The following NRXN3 variants were observed in gnomAD, a reference collection of about 807,000 sequenced individuals.
NRXN3 encodes the protein neurexin 3, also known as neurexin III.
NRXN3 carries 32 observed loss-of-function variants against 137.6 expected under a neutral mutation model. The observed-to-expected ratio is 0.23, with a 90% confidence interval of 0.18 to 0.31. The LOEUF (loss-of-function observed/expected upper bound fraction) is 0.31, where lower values mean the gene tolerates loss of function less well. Among genes scored for constraint, NRXN3 ranks in the 10% least tolerant of loss-of-function variants. The pLI, the probability that NRXN3 is intolerant of heterozygous loss-of-function variation, is 1.00. For missense variants in NRXN3, 1,574 were observed against 2,062.5 expected (o/e 0.76, Z 4.59); for synonymous variants, 798 against 784.5 (o/e 1.02, Z -0.29).
chr14:79,653,702 A>T (rs1381856669), intron 16 of NRXN3, among the ~76,000 whole-genome samples: 1 of 152,212 alleles, frequency 6.6e-6, no homozygotes, highest in Non-Finnish European at 1.5e-5. Context: ...TATATAACTT[A>T]TTAGAAAATA....
Position 78,171,843 on chromosome 14 carries a change from T to A in NRXN3, c.-704+1169T>A, listed in dbSNP as rs148630401. On this transcript the variant is annotated intron_variant, in intron 1 of 20. Coordinates refer to ENST00000335750, the MANE Select transcript of NRXN3 (RefSeq NM_001330195.2). ...AGAACATCATATTTTTGCTAACCAT[T>A]ATTGGGGTTTAGGTAAAGTAGGATT... Among the ~76,000 whole-genome samples the A allele has an allele frequency of 6.6e-4, 101 of 152,322 alleles. 3 individuals are homozygous for A. The highest frequency in any genetic ancestry group is 6.5e-3 in the Admixed American group (99 of 15,310).
intron 16 of NRXN3, among the ~76,000 whole-genome samples, chr14:79,640,450 G>A (rs534755932): frequency 2.9e-5 from 4 of 135,664 alleles, no homozygotes; most frequent in African/African-American, 9.8e-5. Context: ...CCACTACCAA[G>A]AAACACTTTT....
intron 1 of NRXN3, among the ~76,000 whole-genome samples, chr14:78,232,434 T>A (rs1337264915): frequency 6.7e-6 from 1 of 149,938 alleles, no homozygotes; most frequent in East Asian, 2.0e-4. Flanking sequence ...CCCCTTCTCT[T>A]ACATGTGTTT....
chr14:79,209,978 C>G (rs1403547066), intron 15 of NRXN3, among the ~76,000 whole-genome samples: 1 of 152,172 alleles, frequency 6.6e-6, no homozygotes, highest in African/African-American at 2.4e-5. Context: ...ATTAGAGTAT[C>G]AATGGCATTG....
chr14:78,840,298 A>T (rs906145717), intron 10 of NRXN3, among the ~76,000 whole-genome samples: 2 of 152,202 alleles, frequency 1.3e-5, no homozygotes, highest in African/African-American at 4.8e-5. Context: ...TCAAAATCAC[A>T]GTCTTTGTCC....
chr14:79,781,256 T>A (rs1391067911), intron 19 of NRXN3, among the ~76,000 whole-genome samples: 8 of 152,126 alleles, frequency 5.3e-5, no homozygotes, highest in Admixed American at 5.2e-4. Flanking sequence ...TCATCCAATT[T>A]AAATAGCTGG....
intron 15 of NRXN3, among the ~76,000 whole-genome samples, chr14:79,257,820 C>G (rs1407124917): frequency 6.6e-6 from 1 of 151,792 alleles, no homozygotes. Context: ...TGTCCAGGAA[C>G]TCTCAATTCC....
intron 1 of NRXN3, among the ~76,000 whole-genome samples, chr14:78,194,834 C>T (rs143340354): frequency 8.8e-4 from 134 of 152,320 alleles, no homozygotes; most frequent in African/African-American, 2.8e-3. Flanking sequence ...AGGGGCCCAG[C>T]CAGCAATCTA....
At chr14:78,416,506 G>C (rs750683073) in intron 4 of NRXN3, among the ~76,000 whole-genome samples, 1 of 152,166 alleles carries the variant, frequency 6.6e-6, no homozygotes, top group Non-Finnish European at 1.5e-5. Context: ...TGTCAGATGG[G>C]ATAATTTAAC....
chr14:78,866,840 C>G, intron 10 of NRXN3, among the ~76,000 whole-genome samples: 1 of 146,034 alleles, frequency 6.8e-6, no homozygotes, highest in Non-Finnish European at 1.5e-5. Context: ...CTTTGTTGCC[C>G]AGGCTGGAGT....
chr14:78,833,160 A>G (rs1037461529), intron 10 of NRXN3, among the ~76,000 whole-genome samples: 1 of 152,096 alleles, frequency 6.6e-6, no homozygotes, highest in Non-Finnish European at 1.5e-5. Context: ...TGGTAAGTAA[A>G]ACAGCTTATT....
chr14:79,258,327 C>T (rs544706693), intron 15 of NRXN3, among the ~76,000 whole-genome samples: 2 of 152,236 alleles, frequency 1.3e-5, no homozygotes, highest in East Asian at 3.9e-4. Context: ...GCCTCAGCCT[C>T]CCAAGCACCT....
At chr14:79,346,509 G>A (rs986361970) in intron 15 of NRXN3, among the ~76,000 whole-genome samples, 5 of 152,054 alleles carry the variant, frequency 3.3e-5, no homozygotes, top group African/African-American at 1.2e-4. Context: ...CCAAAAAAAA[G>A]ACCATTCATT....
intron 15 of NRXN3, among the ~76,000 whole-genome samples, chr14:79,358,540 C>G (rs2093517775): frequency 7.5e-6 from 1 of 133,810 alleles, no homozygotes. Flanking sequence ...CACTACTGCA[C>G]TCCAGCCTGA....
chr14:79,465,394 G>T (rs1408315797), intron 15 of NRXN3, among the ~76,000 whole-genome samples: 1 of 152,014 alleles, frequency 6.6e-6, no homozygotes, highest in Non-Finnish European at 1.5e-5. Flanking sequence ...ATCCCCTAAG[G>T]ATCGAGAAAT....
chr14:78,763,140 CA>C (rs2098698172), intron 8 of NRXN3, among the ~76,000 whole-genome samples: 1 of 152,168 alleles, frequency 6.6e-6, no homozygotes, highest in Admixed American at 6.5e-5. Flanking sequence ...GGATTCAAGG[CA>C]ATGCTGTCCC....
intron 4 of NRXN3, among the ~76,000 whole-genome samples, chr14:78,441,638 G>C (rs1443197102): frequency 6.6e-6 from 1 of 151,506 alleles, no homozygotes; most frequent in Non-Finnish European, 1.5e-5. Flanking sequence ...ATTGAATGGT[G>C]GTTCCCCCAA....
intron 19 of NRXN3, among the ~76,000 whole-genome samples, chr14:79,760,401 G>A (rs1446409709): frequency 2.0e-5 from 3 of 148,354 alleles, no homozygotes; most frequent in East Asian, 3.9e-4. Flanking sequence ...GGCCTAGAGT[G>A]TAAGTAGGGA....
At chr14:79,593,193 A>G (rs1378386810) in intron 16 of NRXN3, among the ~76,000 whole-genome samples, 1 of 152,220 alleles carries the variant, frequency 6.6e-6, no homozygotes, top group South Asian at 2.1e-4. Context: ...GATCGCTTAT[A>G]GTACCAATTC....
Sources: allele counts gnomAD v4.1 joint callset (sites outside exome capture counted in the v4.1 genomes callset), GRCh38; gene constraint gnomAD v4.1.1; transcripts MANE v1.5; gene names NCBI Gene and HGNC (gene_info 2026-07-23, HGNC 2026-07-21).